Variants in PRDM5 observed in about 807,000 individuals in gnomAD.
The protein encoded by PRDM5 is PR domain zinc finger protein 5.
In PRDM5, 56 loss-of-function variants were observed where a neutral mutation model predicts 81.2. That is an observed-to-expected ratio of 0.69 (90% CI 0.56 to 0.86). The LOEUF (loss-of-function observed/expected upper bound fraction) is 0.86, where lower values mean the gene tolerates loss of function less well. Ranked by LOEUF, PRDM5 falls within the 40% of genes least tolerant of loss-of-function variation. The pLI is 0.00. For missense variants in PRDM5, 697 were observed against 770.1 expected (o/e 0.91, Z 1.12); for synonymous variants, 267 against 256.4 (o/e 1.04, Z -0.39).
At chr4:120,699,944 AAAATAAATAAAT>A (rs5861483) in intron 15 of PRDM5, among the ~76,000 whole-genome samples, 6 of 148,502 alleles carry the variant, frequency 4.0e-5, no homozygotes, top group African/African-American at 1.5e-4. Flanking sequence ...ATATAGAACC[AAAATAAATAAAT>A]AAATAAATAA....
Position 120,865,332 on chromosome 4 carries a change from G to C in PRDM5, c.178-11792C>G, listed in dbSNP as rs370177655. On this transcript the variant is annotated intron_variant, in intron 2 of 15. Coordinates refer to ENST00000264808, the MANE Select transcript of PRDM5 (RefSeq NM_018699.4). ...TCACTCTGAGAAAAACATATGGCCT[G>C]TTTAAGAAGAGTAGGGACAGACACT... Among the ~76,000 whole-genome samples the C allele has an allele frequency of 5.3e-5, 8 of 152,292 alleles. No homozygotes were observed. The East Asian group carries it at 1.2e-3, about 22-fold the overall frequency.
chr4:120,761,902 A>C lies in PRDM5; in HGVS notation c.1538-7264T>G, dbSNP rs187586059. On this transcript the variant is annotated intron_variant, in intron 13 of 15. Transcript: ENST00000264808. ...ATGACCATGATCAAACTTGAAGATT[A>C]AAAAATGCAAAATTTTGAAGATGAT... is the stretch of plus-strand genomic sequence containing the variant. Among the ~76,000 whole-genome samples the C allele has an allele frequency of 3.8e-3, 575 of 152,260 alleles. 8 individuals carry two copies. Among genetic ancestry groups the C allele is most frequent in the Non-Finnish European group, 5.8e-3 (395 of 67,996 alleles).
chr4:120,821,063 T>G, intron 4 of PRDM5, 108 bp downstream of exon 4: 1 of 1,283,530 alleles, frequency 7.8e-7, no homozygotes, highest in Non-Finnish European at 1.1e-6. Context: ...AAAACTAACT[T>G]TATTTGAGAA....
At chr4:120,711,692 T>C (rs1415881746) in intron 14 of PRDM5, among the ~76,000 whole-genome samples, 1 of 152,064 alleles carries the variant, frequency 6.6e-6, no homozygotes, top group African/African-American at 2.4e-5. Flanking sequence ...GGCATTTTTA[T>C]TATAAAAACA....
At chr4:120,876,787 G>A (rs997862620) in intron 2 of PRDM5, among the ~76,000 whole-genome samples, 1 of 152,112 alleles carries the variant, frequency 6.6e-6, no homozygotes, top group Non-Finnish European at 1.5e-5. Context: ...AGGAATGCAT[G>A]CAAAATTTTA....
intron 2 of PRDM5, among the ~76,000 whole-genome samples, chr4:120,881,364 A>G (rs992781392): frequency 1.3e-5 from 2 of 152,226 alleles, no homozygotes; most frequent in African/African-American, 4.8e-5. Flanking sequence ...ATTCCTTTTA[A>G]TAGTTCCACA....
At position 120,846,306 on chromosome 4, in the gene PRDM5, G is replaced by A. The variant is rs140953366; in HGVS notation, c.300+7112C>T. 6.9e-3 allele frequency among the ~76,000 whole-genome samples: 1,054 copies of A among 152,244 alleles called. 69 individuals carry two copies. Among genetic ancestry groups the A allele is most frequent in the Admixed American group, 0.064 (976 of 15,264 alleles). On this transcript the variant is annotated intron_variant, in intron 3 of 15. Coordinates refer to ENST00000264808, the MANE Select transcript of PRDM5 (RefSeq NM_018699.4). ...TGCTACACAGAAACCTTTTGTGAAA[G>A]GAAAAGTCAATTGATGCAGCAAACT...
chr4:120,736,251 C>A (rs1045648561), intron 14 of PRDM5, among the ~76,000 whole-genome samples: 22 of 148,744 alleles, frequency 1.5e-4, no homozygotes, highest in Admixed American at 1.3e-3. Context: ...ATCACATTTT[C>A]TTTATCCAAT....
chr4:120,851,715 C>T (rs1759297833), intron 3 of PRDM5, among the ~76,000 whole-genome samples: 1 of 152,150 alleles, frequency 6.6e-6, no homozygotes, highest in African/African-American at 2.4e-5. Context: ...GTCTAGATGA[C>T]TGTTTGCTAG....
In PRDM5 at chr4:120,772,660, A is replaced by G. The variant is rs1747465651; in HGVS notation, c.1537+4528T>C. 2.0e-5 allele frequency among the ~76,000 whole-genome samples: 3 copies of G among 152,254 alleles called. No homozygotes were observed. The South Asian group carries it at 6.2e-4, about 32-fold the overall frequency. On this transcript the variant is annotated intron_variant, in intron 13 of 15. Coordinates refer to ENST00000264808, the MANE Select transcript of PRDM5 (RefSeq NM_018699.4). ...GCCTCTGTCAGCCGGGCTCTTATTTACATGAGCCAACACATATTTCACATG... is the reference window on the plus strand; with the variant it reads ...GCCTCTGTCAGCCGGGCTCTTATTTGCATGAGCCAACACATATTTCACATG...
intron 1 of PRDM5, 104 bp from the exon 2 acceptor site, chr4:120,907,661 C>A: frequency 1.1e-6 from 1 of 882,044 alleles, no homozygotes; most frequent in Non-Finnish European, 1.9e-6. Context: ...ATCTTCATGC[C>A]CAAAGAAGAG....
intron 2 of PRDM5, among the ~76,000 whole-genome samples, chr4:120,889,158 T>C (rs1561620633): frequency 6.6e-6 from 1 of 152,194 alleles, no homozygotes; most frequent in Non-Finnish European, 1.5e-5. Context: ...TTCATAAAAG[T>C]ATTCTCTTAG....
At chr4:120,699,327 T>C (rs67447771) in intron 15 of PRDM5, among the ~76,000 whole-genome samples, 26,081 of 151,304 alleles carry the variant, frequency 0.17, 2,588 homozygotes, top group Non-Finnish European at 0.24. Flanking sequence ...CTTTTTGTTA[T>C]CTTGTGTTTG....
intron 2 of PRDM5, among the ~76,000 whole-genome samples, chr4:120,887,289 G>A (rs1763544053): frequency 6.8e-6 from 1 of 147,850 alleles, no homozygotes; most frequent in South Asian, 2.2e-4. Flanking sequence ...CCCCATCAGT[G>A]TTAGTTACCT....
intron 7 of PRDM5, 69 bp from the exon 8 acceptor site, chr4:120,811,518 G>C (rs530673238): frequency 1.1e-6 from 1 of 941,448 alleles, no homozygotes; most frequent in African/African-American, 1.6e-5. Flanking sequence ...ATAGTGTTTC[G>C]AGGTGATATG....
rs201952023 is a variant in PRDM5, at chr4:120,706,848, AAC to A, written c.1728+3459_1728+3460del. Among the ~76,000 whole-genome samples the A allele has an allele frequency of 6.4e-3, 956 of 150,500 alleles. 13 individuals carry two copies. Among genetic ancestry groups the A allele is most frequent in the African/African-American group, 0.022 (916 of 41,278 alleles). On this transcript the variant is annotated intron_variant, in intron 15 of 15. Transcript: ENST00000264808. ...ATGATTAAATGAACAAACTTCTAGA[AAC>A]ACACAGCAATTACCAAAACTGACCC...
At chr4:120,719,373 T>A (rs1035232782) in intron 14 of PRDM5, among the ~76,000 whole-genome samples, 3 of 152,254 alleles carry the variant, frequency 2.0e-5, no homozygotes, top group African/African-American at 4.8e-5. Flanking sequence ...AAAATTATCA[T>A]GTACTTGAAT....
At chr4:120,850,150 A>C (rs779297496) in intron 3 of PRDM5, among the ~76,000 whole-genome samples, 1 of 152,140 alleles carries the variant, frequency 6.6e-6, no homozygotes, top group Non-Finnish European at 1.5e-5. Context: ...AAGTTGGACC[A>C]AGTATTGACG....
At chr4:120,806,412 C>G (rs2456341) in intron 8 of PRDM5, among the ~76,000 whole-genome samples, 2 of 152,156 alleles carry the variant, frequency 1.3e-5, no homozygotes, top group Non-Finnish European at 2.9e-5. Flanking sequence ...GCAAAAAGAA[C>G]AAAGCTGGAG....
Sources: gnomAD v4.1 joint callset for allele counts (sites outside exome capture counted in the v4.1 genomes callset) on GRCh38, gnomAD v4.1.1 for gene constraint, MANE v1.5 for transcripts, NCBI Gene and HGNC (gene_info 2026-07-23, HGNC 2026-07-21) for gene names.